PCNX1: variants seen among roughly 807,000 people sequenced by gnomAD.
The protein encoded by PCNX1 is pecanex-like protein 1.
PCNX1 carries 78 observed loss-of-function variants against 242.2 expected under a neutral mutation model. The ratio of observed to expected loss-of-function variants is 0.32; its 90% CI spans 0.27 to 0.39. The LOEUF (loss-of-function observed/expected upper bound fraction) is 0.39. PCNX1 is among the 10% of genes least tolerant of loss of function. The probability of loss-of-function intolerance (pLI) is 1.00; values close to 1 mark genes in which losing one functional copy is unlikely to be tolerated. For synonymous variants in PCNX1, 1,024 were observed against 1,032.9 expected (o/e 0.99, Z 0.17); for missense variants, 2,581 against 2,856.5 (o/e 0.90, Z 2.20).
In PCNX1 at chr14:70,961,150, A is replaced by C. The variant is rs1443079854; in HGVS notation, c.363-1076A>C. Among the ~76,000 whole-genome samples the C allele has an allele frequency of 2.0e-5, 3 of 152,334 alleles. No individual in the cohort carries two copies. In the East Asian group the frequency reaches 5.8e-4, roughly 29 times the overall value. On this transcript the variant is annotated intron_variant, in intron 2 of 35. Transcript: ENST00000304743. ...AACCTACCAATGACTTTCTTCACAG[A>C]ATTGGAAAAAACTACTTTGAAGTTC...
At chr14:71,101,208 T>G (rs955362600) in intron 30 of PCNX1, among the ~76,000 whole-genome samples, 1 of 152,206 alleles carries the variant, frequency 6.6e-6, no homozygotes, top group African/African-American at 2.4e-5. Flanking sequence ...ACTATAAATA[T>G]GAAAGCAGCC....
intron 7 of PCNX1, among the ~76,000 whole-genome samples, chr14:70,991,125 G>A (rs184976002): frequency 1.5e-4 from 22 of 151,524 alleles, no homozygotes; most frequent in African/African-American, 5.3e-4. Flanking sequence ...TCTAACTCCA[G>A]CCAATCACAT....
At chr14:70,963,473 G>A (rs772843942) in intron 3 of PCNX1, among the ~76,000 whole-genome samples, 6 of 152,126 alleles carry the variant, frequency 3.9e-5, no homozygotes, top group Non-Finnish European at 8.8e-5. Flanking sequence ...TGAGTAAATA[G>A]CAGATATAAT....
intron 5 of PCNX1, among the ~76,000 whole-genome samples, chr14:70,971,930 G>A (rs1595095773): frequency 3.9e-5 from 6 of 152,294 alleles, no homozygotes; most frequent in Admixed American, 2.0e-4. Context: ...TTTTAATTCT[G>A]AGTGAGATAA....
chr14:70,912,225 ACT>A (rs1440772399), intron 1 of PCNX1, among the ~76,000 whole-genome samples: 2 of 150,242 alleles, frequency 1.3e-5, no homozygotes, highest in African/African-American at 4.9e-5. Context: ...ACAGAGCGAG[ACT>A]CTGTCTCAAA....
At chr14:70,975,232 C>T (rs2058658550) in intron 5 of PCNX1, among the ~76,000 whole-genome samples, 1 of 151,570 alleles carries the variant, frequency 6.6e-6, no homozygotes, top group South Asian at 2.1e-4. Context: ...TTAGAAATAA[C>T]ATTATAATTT....
rs568952566 is a variant in PCNX1 at position 70,987,206 on chromosome 14, C to G, written c.2312-1361C>G. Among the ~76,000 whole-genome samples the G allele has an allele frequency of 2.0e-5, 3 of 152,250 alleles. No homozygotes were observed. The East Asian group carries it at 5.8e-4, about 29-fold the overall frequency. ...CCTTGTAGCTGTGGTCACAAAAAGGCAACCTTATCTTTCTAGATAAGCACT... is the reference window on the plus strand; with the variant it reads ...CCTTGTAGCTGTGGTCACAAAAAGGGAACCTTATCTTTCTAGATAAGCACT... On this transcript the variant is annotated intron_variant, in intron 6 of 35. Transcript: ENST00000304743.
At chr14:71,094,646 G>C (rs1056182655) in intron 30 of PCNX1, among the ~76,000 whole-genome samples, 1 of 151,982 alleles carries the variant, frequency 6.6e-6, no homozygotes, top group Non-Finnish European at 1.5e-5. Flanking sequence ...AAACTGTTAC[G>C]TTGGACGTGA....
In PCNX1 at chr14:70,988,636, G is replaced by A. The variant is rs2059067646; in HGVS notation, c.2381G>A (p.Arg794Gln). 3.1e-6 allele frequency: 5 copies of A among 1,614,052 alleles called. No individual in the cohort carries two copies. The highest frequency in any genetic ancestry group is 4.2e-6 in the Non-Finnish European group (5 of 1,179,986). Reference sequence around the variant, plus strand: ...AGCACATTTAGGCGCCAGGCAGTACGGCGCCGGCACAATGCAGGGAGTAAC... The same window carrying A: ...AGCACATTTAGGCGCCAGGCAGTACAGCGCCGGCACAATGCAGGGAGTAAC... ...ERSTFRRQAV[R>Q]RRHNAGSNPT... Residue 794 changes from arginine to glutamine, a missense_variant, in exon 7 of 36, where the codon CGG (arginine) becomes CAG (glutamine). Physicochemically the swap from Arg to Gln is conservative, Grantham distance 43. Around this residue, in one of 9 missense-constraint regions of PCNX1, gnomAD observed 1,204 missense variants for 1,216.7 expected, o/e 0.99. Coordinates refer to ENST00000304743, the MANE Select transcript of PCNX1 (RefSeq NM_014982.3).
chr14:71,053,282 C>CT, intron 24 of PCNX1: 1 of 445,642 alleles, frequency 2.2e-6, no homozygotes, highest in South Asian at 1.6e-5. Flanking sequence ...TTTTCTTTTT[C>CT]TTTTTTTGAG....
intron 11 of PCNX1, among the ~76,000 whole-genome samples, chr14:71,014,970 AAAG>A (rs1341735394): frequency 2.6e-5 from 4 of 152,190 alleles, no homozygotes; most frequent in Non-Finnish European, 5.9e-5. Context: ...CAAAAGAAAA[AAAG>A]AGGAGCAAGG....
intron 8 of PCNX1, among the ~76,000 whole-genome samples, chr14:70,998,196 A>G (rs1220634195): frequency 1.3e-5 from 2 of 152,120 alleles, no homozygotes; most frequent in African/African-American, 4.8e-5. Context: ...TGTGTTTTCT[A>G]CATCTTTATT....
chr14:70,927,749 C>G (rs2056646300), intron 1 of PCNX1, among the ~76,000 whole-genome samples: 1 of 151,928 alleles, frequency 6.6e-6, no homozygotes, highest in African/African-American at 2.4e-5. Context: ...ACCACCAAGT[C>G]TCGCTAATTT....
intron 5 of PCNX1, among the ~76,000 whole-genome samples, chr14:70,972,904 T>C (rs2058583123): frequency 6.6e-6 from 1 of 152,108 alleles, no homozygotes; most frequent in Non-Finnish European, 1.5e-5. Context: ...TTTCAGTTTG[T>C]CATGGGGATA....
intron 6 of PCNX1, among the ~76,000 whole-genome samples, chr14:70,983,074 G>A (rs1025222410): frequency 2.0e-5 from 3 of 152,060 alleles, no homozygotes; most frequent in African/African-American, 7.2e-5. Flanking sequence ...ATGTCACTTC[G>A]AATACATGTG....
In PCNX1 at chr14:71,031,843, T is replaced by G; in HGVS notation, c.3559-1586T>G. On this transcript the variant is annotated intron_variant, in intron 16 of 35. Coordinates refer to ENST00000304743, the MANE Select transcript of PCNX1 (RefSeq NM_014982.3). ...GAGAGGGATGGTGGCATCGTCTGGC[T>G]TCAGGTAGACACACTGTTTCAGCAC... The G allele has an allele frequency of 5.4e-6, 8 of 1,487,514 alleles. No homozygotes were observed. In the South Asian group the frequency reaches 7.9e-5, roughly 15 times the overall value. 92.1% of individuals were successfully genotyped at this position (1,487,514 alleles called of 1,614,324 possible). A position where few individuals can be genotyped will look rare whatever the true frequency, so the allele number is the denominator to read the frequency against.
chr14:70,918,555 C>T (rs569452048), intron 1 of PCNX1, among the ~76,000 whole-genome samples: 1 of 152,164 alleles, frequency 6.6e-6, no homozygotes, highest in African/African-American at 2.4e-5. Context: ...AAATGTGACA[C>T]ACAGACAAAG....
intron 6 of PCNX1, among the ~76,000 whole-genome samples, chr14:70,984,365 ATAAAT>A (rs2058934413): frequency 6.6e-6 from 1 of 151,414 alleles, no homozygotes; most frequent in Non-Finnish European, 1.5e-5. Flanking sequence ...TATTTCTTTC[ATAAAT>A]TAATCAGGTA....
rs1259978626 is a variant in PCNX1 at position 71,114,674 on chromosome 14, G to T, written c.*4739G>T. On this transcript the variant is annotated 3_prime_UTR_variant, in exon 36 of 36. Transcript: ENST00000304743. ...CTAAGACTTATACCTATTATATAGG[G>T]TTATACCTTTTTTCTTATGCCTCAG... 2.2e-5 allele frequency: 3 copies of T among 138,802 alleles called. No homozygotes were observed. The highest frequency in any genetic ancestry group is 8.0e-5 in the African/African-American group (3 of 37,356). The allele number at this position is 138,802 out of a possible 1,614,324, so 8.6% of individuals were successfully genotyped here.
Sources: gnomAD v4.1 joint callset for allele counts (sites outside exome capture counted in the v4.1 genomes callset) on GRCh38, gnomAD v4.1.1 for gene constraint, gnomAD v4.1.1 regional missense constraint, MANE v1.5 for transcripts, NCBI Gene and HGNC (gene_info 2026-07-23, HGNC 2026-07-21) for gene names.